Variants in LAMA1 observed in about 807,000 individuals in gnomAD.
LAMA1 encodes the protein laminin subunit alpha 1, also known as laminin subunit alpha-1.
Under a neutral mutation model 348.7 loss-of-function variants are expected in LAMA1, and 219 were observed. The ratio of observed to expected loss-of-function variants is 0.63; its 90% CI spans 0.56 to 0.70. The LOEUF (loss-of-function observed/expected upper bound fraction) is 0.70, where lower values mean the gene tolerates loss of function less well. LAMA1 is among the 30% of genes least tolerant of loss of function. LAMA1 has a pLI of 0.00. For synonymous variants in LAMA1, 1,487 were observed against 1,491.0 expected (o/e 1.00, Z 0.06); for missense variants, 3,744 against 3,888.0 (o/e 0.96, Z 0.99).
intron 28 of LAMA1, among the ~76,000 whole-genome samples, 175 bp from the exon 29 acceptor site, chr18:7,007,451 C>A (rs1274549441): frequency 6.8e-6 from 1 of 147,926 alleles, no homozygotes; most frequent in Non-Finnish European, 1.5e-5. Context: ...CACCGCACAC[C>A]TGTTAGGGTA....
chr18:7,043,626 C>T (rs774329434), intron 7 of LAMA1, among the ~76,000 whole-genome samples: 6 of 152,114 alleles, frequency 3.9e-5, no homozygotes, highest in Non-Finnish European at 8.8e-5. Flanking sequence ...CAAACCATCT[C>T]CTGGGATTAT....
Position 6,961,589 on chromosome 18 carries a change from G to A in LAMA1, c.7623C>T (p.His2541=), listed in dbSNP as rs199744967. 22 of 1,613,238 alleles carry A rather than the reference G, an allele frequency of 1.4e-5. No homozygotes were observed. Among genetic ancestry groups the A allele is most frequent in the East Asian group, 8.9e-5 (4 of 44,860 alleles). Residue 2541 remains histidine (H), a synonymous_variant, in exon 53 of 63, where the codon CAC becomes CAT. Coordinates refer to ENST00000389658, the MANE Select transcript of LAMA1 (RefSeq NM_005559.4). ...CAGGAGCACTGGCCCTACTCACCAC[G>A]TGTGCTTCCTCACGATCACCCCGCT... ...VEKRGDREEA[H]VPFFSVMLIG... is the part of the protein sequence containing the mutation.
At chr18:6,966,049 AC>A in intron 49 of LAMA1, 97 bp downstream of exon 49, 1 of 1,308,198 alleles carries the variant, frequency 7.6e-7, no homozygotes, top group Non-Finnish European at 1.1e-6. Context: ...ATACATATGT[AC>A]ATATTTAATT....
At chr18:7,017,197 G>T (rs1236044786) in intron 20 of LAMA1, 81 bp downstream of exon 20, 24 of 1,053,536 alleles carry the variant, frequency 2.3e-5, no homozygotes, top group Non-Finnish European at 3.3e-5. Context: ...TAATACACTT[G>T]GGGACTTAGC....
intron 61 of LAMA1, among the ~76,000 whole-genome samples, chr18:6,944,707 T>G (rs1308095096): frequency 6.6e-6 from 1 of 152,130 alleles, no homozygotes; most frequent in East Asian, 1.9e-4. Context: ...ACTAACACAT[T>G]GATCTCGGAC....
At chr18:7,009,651 A>G (rs1162705298) in intron 26 of LAMA1, among the ~76,000 whole-genome samples, 2 of 152,226 alleles carry the variant, frequency 1.3e-5, no homozygotes, top group Admixed American at 6.5e-5. Flanking sequence ...AGCAAGTCCA[A>G]AGTCTCCTGT....
At chr18:7,010,422 A>C in intron 25 of LAMA1, 37 bp from the exon 26 acceptor site, 1 of 1,592,996 alleles carries the variant, frequency 6.3e-7, no homozygotes, top group Admixed American at 1.7e-5. Flanking sequence ...TTCTCTGACA[A>C]AGCTTTCATT....
chr18:7,009,874 T>G (rs2057851570), intron 26 of LAMA1, among the ~76,000 whole-genome samples: 1 of 152,180 alleles, frequency 6.6e-6, no homozygotes, highest in African/African-American at 2.4e-5. Flanking sequence ...TGGCACAATC[T>G]CGGCTCACTG....
chr18:6,943,364 T>A lies in LAMA1; in HGVS notation c.8883A>T (p.Thr2961=). 1 of 1,614,202 alleles carries A rather than the reference T, an allele frequency of 6.2e-7. No individual in the cohort carries two copies. The highest frequency in any genetic ancestry group is 8.5e-7 in the Non-Finnish European group (1 of 1,180,040). The change falls in exon 62 of 63, where the codon ACA becomes ACT. Residue 2961 remains threonine (T), a synonymous_variant. Coordinates refer to ENST00000389658, the MANE Select transcript of LAMA1 (RefSeq NM_005559.4). Reference sequence around the variant, plus strand: ...TGGCGGTTTTGGGCTCATATGCAGCTGTTATCCTGCCAGCACCATTGTTGA... The same window carrying A: ...TGGCGGTTTTGGGCTCATATGCAGCAGTTATCCTGCCAGCACCATTGTTGA... The part of the protein sequence containing the change: ...FHVNNGAGRI[T]AAYEPKTATV...
At chr18:6,968,000 C>T (rs2057641428) in intron 48 of LAMA1, among the ~76,000 whole-genome samples, 2 of 152,168 alleles carry the variant, frequency 1.3e-5, no homozygotes, top group South Asian at 4.1e-4. Context: ...TCAGTCACTT[C>T]CCTGAACTTC....
At chr18:6,970,828 G>T (rs560403196) in intron 48 of LAMA1, among the ~76,000 whole-genome samples, 1 of 152,090 alleles carries the variant, frequency 6.6e-6, no homozygotes, top group Non-Finnish European at 1.5e-5. Context: ...GATCAGGCTG[G>T]TATCGAACTC....
At chr18:6,994,271 G>A (rs988773233) in intron 34 of LAMA1, among the ~76,000 whole-genome samples, 5 of 152,134 alleles carry the variant, frequency 3.3e-5, no homozygotes, top group South Asian at 2.1e-4. Context: ...GGGCTGCTAC[G>A]AGAACTACAC....
intron 23 of LAMA1, among the ~76,000 whole-genome samples, chr18:7,012,480 TTATTATTATTATTATTA>T (rs937618708): frequency 7.7e-5 from 10 of 130,548 alleles, no homozygotes; most frequent in African/African-American, 1.7e-4. Context: ...GTGATAAATA[TTATTATTATTATTATTA>T]TATTATTATT....
At chr18:6,955,061 TC>T in intron 57 of LAMA1, 1 of 441,068 alleles carries the variant, frequency 2.3e-6, no homozygotes. Flanking sequence ...CAATAATAGA[TC>T]CAGGAGACTT....
At chr18:7,067,549 G>A (rs917387283) in intron 3 of LAMA1, among the ~76,000 whole-genome samples, 2 of 152,068 alleles carry the variant, frequency 1.3e-5, no homozygotes, top group Non-Finnish European at 2.9e-5. Context: ...GGCTGGGAAG[G>A]GGGTGGGGGA....
At chr18:7,079,247 A>T (rs940319697) in intron 3 of LAMA1, 4 of 152,544 alleles carry the variant, frequency 2.6e-5, no homozygotes, top group African/African-American at 7.2e-5. Context: ...GAACCAGGAC[A>T]ACAGCTCCAA....
chr18:6,982,029 A>C (rs751747294), intron 41 of LAMA1, among the ~76,000 whole-genome samples: 10 of 152,228 alleles, frequency 6.6e-5, no homozygotes, highest in Non-Finnish European at 8.8e-5. Flanking sequence ...AAAAATGGCT[A>C]AATCAATTAG....
At chr18:7,083,122 A>G (rs1199839533) in intron 1 of LAMA1, among the ~76,000 whole-genome samples, 1 of 152,098 alleles carries the variant, frequency 6.6e-6, no homozygotes, top group Admixed American at 6.6e-5. Context: ...CAGTTATAGT[A>G]ATCAGCATCA....
chr18:7,037,490 C>T, intron 12 of LAMA1, 88 bp downstream of exon 12: 2 of 1,458,472 alleles, frequency 1.4e-6, no homozygotes, highest in Non-Finnish European at 1.9e-6. Flanking sequence ...CCCTATGAGA[C>T]TACCTAAAAT....
Sources: gnomAD v4.1 joint callset for allele counts (sites outside exome capture counted in the v4.1 genomes callset) on GRCh38, gnomAD v4.1.1 for gene constraint, MANE v1.5 for transcripts, NCBI Gene and HGNC (gene_info 2026-07-23, HGNC 2026-07-21) for gene names.